Variants in PIP4P2 observed in about 807,000 individuals in gnomAD.
PIP4P2 encodes phosphatidylinositol-4,5-bisphosphate 4-phosphatase 2, also known as type 2 phosphatidylinositol 4,5-bisphosphate 4-phosphatase.
In PIP4P2, 19 loss-of-function variants were observed where a neutral mutation model predicts 33.3. The observed-to-expected ratio is 0.57, with a 90% CI of 0.40 to 0.84. The LOEUF (loss-of-function observed/expected upper bound fraction) is 0.84. PIP4P2 is among the 40% of genes least tolerant of loss of function. The probability of loss-of-function intolerance (pLI) is 0.00; values close to 1 mark genes in which losing one functional copy is unlikely to be tolerated. For synonymous variants in PIP4P2, 110 were observed against 111.9 expected (o/e 0.98, Z 0.11); for missense variants, 270 against 324.7 (o/e 0.83, Z 1.29).
At chr8:91,020,306 T>C in intron 2 of PIP4P2, 43 bp from the exon 3 acceptor site, 3 of 1,561,242 alleles carry the variant, frequency 1.9e-6, no homozygotes, top group Non-Finnish European at 2.6e-6. Flanking sequence ...TTAACCAAAG[T>C]ACAGATTGTC....
rs140655713 is a variant in PIP4P2 at position 91,027,933 on chromosome 8, C to T, written c.107-6529G>A. ...AATAAATACATTATTTAGAGGAGCA[C>T]ATGCATCCTGCTGTGGTTTCCCTCC... On this transcript the variant is annotated intron_variant, in intron 1 of 6. Coordinates refer to ENST00000285419, the MANE Select transcript of PIP4P2 (RefSeq NM_018710.3). 2.4e-3 allele frequency among the ~76,000 whole-genome samples: 363 copies of T among 152,276 alleles called. 2 individuals are homozygous for T. Among genetic ancestry groups the T allele is most frequent in the Non-Finnish European group, 1.9e-3 (132 of 68,010 alleles).
At chr8:91,035,949 C>G (rs1812226781) in intron 1 of PIP4P2, among the ~76,000 whole-genome samples, 1 of 151,846 alleles carries the variant, frequency 6.6e-6, no homozygotes, top group Non-Finnish European at 1.5e-5. Context: ...GAGGTCAAGA[C>G]TGCAGTGAGC....
At chr8:91,000,222 G>T (rs60763486) in intron 5 of PIP4P2, among the ~76,000 whole-genome samples, 15,502 of 151,802 alleles carry the variant, frequency 0.1, 2,192 homozygotes, top group African/African-American at 0.31. Context: ...CAGTTTTATT[G>T]TATTTTTGTT....
At chr8:90,996,937 G>A (rs1811636544) in intron 5 of PIP4P2, among the ~76,000 whole-genome samples, 193 bp from the exon 6 acceptor site, 1 of 152,000 alleles carries the variant, frequency 6.6e-6, no homozygotes, top group African/African-American at 2.4e-5. Flanking sequence ...GTGAATTTGT[G>A]ATATTATTGT....
intron 4 of PIP4P2, among the ~76,000 whole-genome samples, chr8:91,017,820 A>C (rs1002389272): frequency 3.3e-5 from 5 of 152,300 alleles, no homozygotes; most frequent in African/African-American, 1.2e-4. Flanking sequence ...AAAAAATCAA[A>C]CTAAGTTTAA....
intron 3 of PIP4P2, among the ~76,000 whole-genome samples, chr8:91,019,815 C>T (rs1288614698): frequency 6.6e-6 from 1 of 152,110 alleles, no homozygotes; most frequent in Non-Finnish European, 1.5e-5. Context: ...ATCCTCCCAC[C>T]TCAGCCTCCC....
chr8:91,032,258 T>A (rs1241242630), intron 1 of PIP4P2, among the ~76,000 whole-genome samples: 2 of 152,122 alleles, frequency 1.3e-5, no homozygotes, highest in Non-Finnish European at 2.9e-5. Flanking sequence ...GTTGTGGTTT[T>A]TACAGAAGAA....
At chr8:91,038,740 C>T (rs1812266157) in intron 1 of PIP4P2, among the ~76,000 whole-genome samples, 1 of 152,094 alleles carries the variant, frequency 6.6e-6, no homozygotes, top group African/African-American at 2.4e-5. Context: ...AATGCTTTTA[C>T]CTCTCATTTA....
chr8:91,025,664 C>T (rs774686608), intron 1 of PIP4P2, among the ~76,000 whole-genome samples: 2 of 152,088 alleles, frequency 1.3e-5, no homozygotes, highest in South Asian at 2.1e-4. Context: ...CTGAAAATGA[C>T]GTCAGCTTAA....
At chr8:91,035,551 CGGCA>C (rs1812222304) in intron 1 of PIP4P2, among the ~76,000 whole-genome samples, 1 of 152,104 alleles carries the variant, frequency 6.6e-6, no homozygotes. Flanking sequence ...GTCACCTTGC[CGGCA>C]GCTACATTCA....
chr8:91,038,991 T>C (rs1812270015), intron 1 of PIP4P2, among the ~76,000 whole-genome samples: 1 of 152,194 alleles, frequency 6.6e-6, no homozygotes, highest in South Asian at 2.1e-4. Context: ...TAAACAAATA[T>C]ATGGAAAATA....
chr8:91,026,646 T>C (rs1257487655), intron 1 of PIP4P2, among the ~76,000 whole-genome samples: 1 of 152,190 alleles, frequency 6.6e-6, no homozygotes, highest in African/African-American at 2.4e-5. Context: ...TTAATGATTC[T>C]TTATATTAAA....
intron 5 of PIP4P2, among the ~76,000 whole-genome samples, chr8:91,005,520 T>G (rs1176154106): frequency 6.6e-6 from 1 of 152,200 alleles, no homozygotes; most frequent in African/African-American, 2.4e-5. Flanking sequence ...ACTTAAAACT[T>G]TATAGTAATT....
At chr8:91,028,384 T>G (rs1311396175) in intron 1 of PIP4P2, among the ~76,000 whole-genome samples, 1 of 152,174 alleles carries the variant, frequency 6.6e-6, no homozygotes, top group Non-Finnish European at 1.5e-5. Flanking sequence ...CAAGGCTATT[T>G]ACAAGACTGT....
chr8:91,028,658 T>C (rs944334588), intron 1 of PIP4P2, among the ~76,000 whole-genome samples: 2 of 152,228 alleles, frequency 1.3e-5, no homozygotes, highest in Admixed American at 1.3e-4. Context: ...AATATAGGAA[T>C]GGCCAAGTGG....
At chr8:91,000,270 C>T (rs527927136) in intron 5 of PIP4P2, among the ~76,000 whole-genome samples, 1 of 151,922 alleles carries the variant, frequency 6.6e-6, no homozygotes, top group East Asian at 1.9e-4. Flanking sequence ...TTGGTACTGT[C>T]GTTTTGGCTA....
chr8:90,996,876 A>G, intron 5 of PIP4P2, 132 bp from the exon 6 acceptor site: 1 of 691,938 alleles, frequency 1.4e-6, no homozygotes, highest in Non-Finnish European at 2.4e-6. Context: ...CTTTACAGAC[A>G]AGAACATGCA....
intron 4 of PIP4P2, among the ~76,000 whole-genome samples, chr8:91,014,393 C>T (rs1429053562): frequency 2.6e-5 from 4 of 152,054 alleles, no homozygotes; most frequent in African/African-American, 9.7e-5. Flanking sequence ...TATATGCATA[C>T]AATGAAATAT....
At position 90,994,448 on chromosome 8, in the gene PIP4P2, T is replaced by A. The variant is rs1201260201; in HGVS notation, c.*1229A>T. On this transcript the variant is annotated 3_prime_UTR_variant, in exon 7 of 7. Transcript: ENST00000285419. ...AATAATTTAAAATATTAGTCTTATC[T>A]CTGGAATCACCAATCAATTTACTCA... The A allele has an allele frequency of 2.6e-5, 4 of 152,422 alleles. No individual in the cohort carries two copies. Among genetic ancestry groups the A allele is most frequent in the Non-Finnish European group, 5.9e-5 (4 of 67,950 alleles). The allele number at this position is 152,422 out of a possible 1,614,324, so 9.4% of individuals were successfully genotyped here.
Sources: allele counts gnomAD v4.1 joint callset (sites outside exome capture counted in the v4.1 genomes callset), GRCh38; gene constraint gnomAD v4.1.1; transcripts MANE v1.5; gene names NCBI Gene and HGNC (gene_info 2026-07-23, HGNC 2026-07-21).